The following MSR1 variants were observed in gnomAD, a reference collection of about 807,000 sequenced individuals.
MSR1 encodes macrophage scavenger receptor types I and II.
In MSR1, 53 loss-of-function variants were observed where a neutral mutation model predicts 47.2. The ratio of observed to expected loss-of-function variants is 1.12; its 90% CI spans 0.90 to 1.41. The LOEUF (loss-of-function observed/expected upper bound fraction) is 1.41. MSR1 is among the 40% of genes most tolerant of loss of function. The pLI is 0.00. For synonymous variants in MSR1, 239 were observed against 185.6 expected, an observed-to-expected ratio of 1.29 and a Z score of -2.34; for missense variants, 786 against 546.9, an observed-to-expected ratio of 1.44 and a Z score of -4.36.
chr8:16,167,750 A>T (rs1307180563), intron 4 of MSR1, among the ~76,000 whole-genome samples: 1 of 152,138 alleles, frequency 6.6e-6, no homozygotes, highest in Non-Finnish European at 1.5e-5. Flanking sequence ...ATCAATGTCT[A>T]TCCTGATAAC....
At chr8:16,182,418 T>G (rs1801859692) in intron 1 of MSR1, among the ~76,000 whole-genome samples, 1 of 152,152 alleles carries the variant, frequency 6.6e-6, no homozygotes, top group Admixed American at 6.6e-5. Flanking sequence ...TAGCCTTAGT[T>G]TACAGTACCT....
intron 9 of MSR1, 21 bp downstream of exon 9, chr8:16,120,397 A>G (rs755187269): frequency 6.2e-7 from 1 of 1,612,700 alleles, no homozygotes; most frequent in Non-Finnish European, 8.5e-7. Flanking sequence ...AACAAACCTC[A>G]CAAGATTTTC....
intron 8 of MSR1, among the ~76,000 whole-genome samples, chr8:16,121,914 T>A (rs974486218): frequency 3.3e-5 from 5 of 151,994 alleles, no homozygotes; most frequent in Non-Finnish European, 5.9e-5. Context: ...GTTACTAGAT[T>A]ACTGTTTCAA....
At chr8:16,168,095 A>T (rs1291837668) in intron 4 of MSR1, among the ~76,000 whole-genome samples, 1 of 152,196 alleles carries the variant, frequency 6.6e-6, no homozygotes, top group Admixed American at 6.5e-5. Context: ...AAGCATATCA[A>T]ATATGTCTGT....
chr8:16,137,737 A>G (rs1308220674), intron 8 of MSR1, among the ~76,000 whole-genome samples: 1 of 152,160 alleles, frequency 6.6e-6, no homozygotes, highest in Non-Finnish European at 1.5e-5. Context: ...TCACACCTGT[A>G]ATCCCAAGAT....
At chr8:16,156,287 G>T (rs894130759) in intron 5 of MSR1, among the ~76,000 whole-genome samples, 1 of 151,952 alleles carries the variant, frequency 6.6e-6, no homozygotes, top group Non-Finnish European at 1.5e-5. Context: ...TCCCTGGTTA[G>T]AATGCACTTG....
At chr8:16,174,442 T>C (rs1801581445) in intron 3 of MSR1, among the ~76,000 whole-genome samples, 1 of 152,150 alleles carries the variant, frequency 6.6e-6, no homozygotes, top group Non-Finnish European at 1.5e-5. Flanking sequence ...GGGAATAATA[T>C]TTACATAAGT....
At position 16,160,764 on chromosome 8, in the gene MSR1, A is replaced by G. The variant is rs1322583042; in HGVS notation, c.817+3301T>C. Among the ~76,000 whole-genome samples, 9 of 151,988 alleles carry G rather than the reference A, an allele frequency of 5.9e-5. 1 individual carries two copies. Among genetic ancestry groups the G allele is most frequent in the Admixed American group, 5.9e-4 (9 of 15,220 alleles). The stretch of plus-strand genomic sequence containing the variant: ...TGTTCATTATGGACAGCATGAAATG[A>G]AACAAGCACTTTTTCTATATTAACT... On this transcript the variant is annotated intron_variant, in intron 5 of 9. Coordinates refer to ENST00000262101, the MANE Select transcript of MSR1 (RefSeq NM_138715.3).
At chr8:16,192,548 T>A (rs1032180055) in intron 1 of MSR1, 50 bp downstream of exon 1, 6 of 151,944 alleles carry the variant, frequency 3.9e-5, no homozygotes, top group African/African-American at 1.5e-4. Context: ...TAACAATCAA[T>A]AGAAACAATT....
intron 1 of MSR1, among the ~76,000 whole-genome samples, chr8:16,188,281 T>A (rs1802060701): frequency 6.6e-6 from 1 of 152,084 alleles, no homozygotes; most frequent in South Asian, 2.1e-4. Context: ...TAAAACATTT[T>A]AATAATATTA....
chr8:16,176,835 C>T (rs1801662260), intron 2 of MSR1, among the ~76,000 whole-genome samples: 1 of 152,222 alleles, frequency 6.6e-6, no homozygotes, highest in African/African-American at 2.4e-5. Context: ...CATATCCTCC[C>T]ATCCATCCTT....
chr8:16,109,947 A>G lies in MSR1; in HGVS notation c.*138T>C. 7.9e-6 allele frequency: 8 copies of G among 1,008,952 alleles called. No individual in the cohort carries two copies. Among genetic ancestry groups the G allele is most frequent in the Non-Finnish European group, 1.2e-5 (8 of 671,450 alleles). The allele number at this position is 1,008,952 out of a possible 1,614,324, so 62.5% of individuals were successfully genotyped here. A position where few individuals can be genotyped will look rare whatever the true frequency, so the allele number is the denominator to read the frequency against. ...TAGTAAGCATGAAGGTGTTCAATAT[A>G]TTAATCCTGTAATCTAAAATATTAT... is the stretch of plus-strand genomic sequence containing the variant. On this transcript the variant is annotated 3_prime_UTR_variant, in exon 10 of 10. Coordinates refer to ENST00000262101, the MANE Select transcript of MSR1 (RefSeq NM_138715.3).
chr8:16,181,438 G>C (rs1382840230), intron 1 of MSR1, among the ~76,000 whole-genome samples: 2 of 152,144 alleles, frequency 1.3e-5, no homozygotes, highest in Non-Finnish European at 2.9e-5. Context: ...AGAAAATGTG[G>C]CACATATACA....
At chr8:16,164,316 A>C (rs1411229178) in intron 4 of MSR1, 65 bp from the exon 5 acceptor site, 1 of 1,414,492 alleles carries the variant, frequency 7.1e-7, no homozygotes, top group Non-Finnish European at 9.9e-7. Context: ...ATGAAAGTTC[A>C]AGAAACCCTC....
chr8:16,120,771 T>C, intron 8 of MSR1, 165 bp from the exon 9 acceptor site: 5 of 889,848 alleles, frequency 5.6e-6, no homozygotes, highest in Non-Finnish European at 8.3e-6. Context: ...GCACCACCTA[T>C]TGGTAAAGAG....
chr8:16,170,701 C>G (rs1801459038), intron 3 of MSR1, among the ~76,000 whole-genome samples: 1 of 152,116 alleles, frequency 6.6e-6, no homozygotes, highest in Non-Finnish European at 1.5e-5. Context: ...AGTTCTACCC[C>G]TAACTCAAGG....
At chr8:16,186,212 G>A in intron 1 of MSR1, 1 of 1,535,130 alleles carries the variant, frequency 6.5e-7, no homozygotes, top group Non-Finnish European at 8.7e-7. Flanking sequence ...AGCACATCCA[G>A]GGGAGTTTTA....
intron 3 of MSR1, among the ~76,000 whole-genome samples, chr8:16,169,238 T>C (rs1330988547): frequency 6.6e-6 from 1 of 152,246 alleles, no homozygotes; most frequent in Non-Finnish European, 1.5e-5. Flanking sequence ...AGTGGACTAA[T>C]GCTTAATACA....
chr8:16,122,390 CA>C (rs1800025122), intron 8 of MSR1, among the ~76,000 whole-genome samples: 3 of 152,028 alleles, frequency 2.0e-5, no homozygotes, highest in African/African-American at 7.2e-5. Flanking sequence ...TTATACAAGT[CA>C]AATATATCCA....
Sources: gnomAD v4.1 joint callset for allele counts (sites outside exome capture counted in the v4.1 genomes callset) on GRCh38, gnomAD v4.1.1 for gene constraint, MANE v1.5 for transcripts, NCBI Gene and HGNC (gene_info 2026-07-23, HGNC 2026-07-21) for gene names.